ASB4: variants seen among roughly 807,000 people sequenced by gnomAD.
ASB4 encodes ankyrin repeat and SOCS box containing 4, also known as ankyrin repeat and SOCS box protein 4.
A neutral mutation model predicts 38.6 loss-of-function variants in ASB4; 35 were observed. That is an observed-to-expected ratio of 0.91 (90% CI 0.69 to 1.20). ASB4 has a LOEUF of 1.20. ASB4 is among the 50% of genes most tolerant of loss of function. The pLI, the probability that ASB4 is intolerant of heterozygous loss-of-function variation, is 0.00. For synonymous variants in ASB4, 195 were observed against 201.3 expected (o/e 0.97, Z 0.26); for missense variants, 557 against 527.2 (o/e 1.06, Z -0.55).
the ASB4 span, among the ~76,000 whole-genome samples, chr7:95,549,638 C>CA: frequency 1.3e-4 from 20 of 152,130 alleles, no homozygotes; most frequent in African/African-American, 4.8e-4. Flanking sequence ...TTCACAAGAA[C>CA]AGGTCTGTAA....
intron 2 of ASB4, among the ~76,000 whole-genome samples, chr7:95,525,216 A>G (rs1350024830): frequency 6.6e-6 from 1 of 152,170 alleles, no homozygotes; most frequent in Non-Finnish European, 1.5e-5. Flanking sequence ...CCAACCCTAG[A>G]CACTTTAATT....
intron 3 of ASB4, among the ~76,000 whole-genome samples, chr7:95,535,311 A>G (rs1449999804): frequency 6.6e-6 from 1 of 152,180 alleles, no homozygotes; most frequent in African/African-American, 2.4e-5. Flanking sequence ...GGAAATTAGG[A>G]AGAAATGTCT....
At chr7:95,513,253 G>GTT (rs536945120) in intron 2 of ASB4, among the ~76,000 whole-genome samples, 1,576 of 77,022 alleles carry the variant, frequency 0.02, 164 homozygotes, top group African/African-American at 0.082. Flanking sequence ...TTTTTTGTTT[G>GTT]TTTTTTTTTT....
At chr7:95,514,467 TG>T (rs1431876410) in intron 2 of ASB4, among the ~76,000 whole-genome samples, 1 of 152,222 alleles carries the variant, frequency 6.6e-6, no homozygotes, top group Admixed American at 6.5e-5. Context: ...TAAAAATGAA[TG>T]AATTTGGATG....
At chr7:95,549,374 G>A in the ASB4 span, among the ~76,000 whole-genome samples, 4 of 145,276 alleles carry the variant, frequency 2.8e-5, no homozygotes, top group African/African-American at 5.2e-5. Flanking sequence ...TCCACTCACT[G>A]CAAGCTCCGC....
intron 2 of ASB4, among the ~76,000 whole-genome samples, chr7:95,496,894 G>T (rs1790257694): frequency 6.6e-6 from 1 of 151,982 alleles, no homozygotes; most frequent in African/African-American, 2.4e-5. Flanking sequence ...AAATGGGAAG[G>T]AGACAGCCAT....
chr7:95,515,173 CTTTCTTTCTT>C (rs1259543259), intron 2 of ASB4, among the ~76,000 whole-genome samples: 10 of 65,350 alleles, frequency 1.5e-4, no homozygotes, highest in African/African-American at 5.7e-4. Context: ...CTTTCTCTTT[CTTTCTTTCTT>C]TCTTTCTTTC....
chr7:95,500,339 G>A (rs1017691413), intron 2 of ASB4, among the ~76,000 whole-genome samples: 15 of 152,032 alleles, frequency 9.9e-5, no homozygotes, highest in Admixed American at 9.2e-4. Context: ...GGCTGAGGCA[G>A]GAGGACCTTT....
At chr7:95,515,147 TTC>T (rs1443212610) in intron 2 of ASB4, among the ~76,000 whole-genome samples, 110 of 79,664 alleles carry the variant, frequency 1.4e-3, no homozygotes, top group African/African-American at 5.8e-3. Flanking sequence ...GCAATTGTTT[TTC>T]TTTCTTTCTT....
intron 2 of ASB4, among the ~76,000 whole-genome samples, chr7:95,520,196 T>C (rs1466803133): frequency 6.6e-6 from 1 of 152,256 alleles, no homozygotes; most frequent in Admixed American, 6.5e-5. Context: ...CAGGGGCACA[T>C]GTGCCTCTGA....
chr7:95,547,764 C>T, the ASB4 span, among the ~76,000 whole-genome samples: 2 of 152,266 alleles, frequency 1.3e-5, no homozygotes, highest in East Asian at 3.9e-4. Flanking sequence ...CTCATCCCAT[C>T]GGTTGAATGC....
At chr7:95,499,407 G>A (rs1180444130) in intron 2 of ASB4, among the ~76,000 whole-genome samples, 2 of 152,322 alleles carry the variant, frequency 1.3e-5, no homozygotes, top group East Asian at 3.9e-4. Flanking sequence ...AAAACCAAGA[G>A]TATTTTGGCA....
intron 2 of ASB4, among the ~76,000 whole-genome samples, chr7:95,525,759 G>A (rs568686607): frequency 1.9e-4 from 29 of 152,276 alleles, no homozygotes; most frequent in African/African-American, 6.7e-4. Context: ...CCTGAAATAA[G>A]ACCTGACCCA....
intron 2 of ASB4, among the ~76,000 whole-genome samples, chr7:95,517,758 G>A (rs1040277959): frequency 8.5e-5 from 13 of 152,118 alleles, no homozygotes; most frequent in Non-Finnish European, 1.5e-4. Flanking sequence ...CAGAGGCAAG[G>A]TTTGATGGAC....
intron 3 of ASB4, among the ~76,000 whole-genome samples, chr7:95,534,615 C>T (rs374593546): frequency 8.5e-5 from 13 of 152,248 alleles, no homozygotes; most frequent in African/African-American, 2.2e-4. Context: ...TCTCTGCCCT[C>T]GATGCACTTG....
intron 2 of ASB4, among the ~76,000 whole-genome samples, chr7:95,522,097 TA>T (rs1405834009): frequency 6.6e-6 from 1 of 152,166 alleles, no homozygotes; most frequent in East Asian, 1.9e-4. Flanking sequence ...GCTGATGTAA[TA>T]ATAGATATTT....
chr7:95,474,712 G>A (rs1419796826), upstream of ASB4, among the ~76,000 whole-genome samples: 1 of 152,066 alleles, frequency 6.6e-6, no homozygotes, highest in Non-Finnish European at 1.5e-5. Context: ...TTTTTTTAGA[G>A]ATGGGTGTCA....
At chr7:95,527,679 G>GCAA in intron 2 of ASB4, 134 bp from the exon 3 acceptor site, 1 of 878,950 alleles carries the variant, frequency 1.1e-6, no homozygotes, top group Non-Finnish European at 1.7e-6. Flanking sequence ...GGGGGCAAAG[G>GCAA]GGTTGAGGGT....
In ASB4 at chr7:95,527,849, A is replaced by C; in HGVS notation, c.524A>C (p.Glu175Ala). 6.2e-7 allele frequency: 1 copy of C among 1,607,642 alleles called. No individual in the cohort carries two copies. The highest frequency in any genetic ancestry group is 8.5e-7 in the Non-Finnish European group (1 of 1,174,944). ...AACATGAAGACCAACAACCAAGATG[A>C]GGAGACGCCCTTGCACACGGCTGCC... is the stretch of plus-strand genomic sequence containing the variant. Reference protein sequence around the residue: ...NVNMKTNNQDEETPLHTAAHF... With the variant: ...NVNMKTNNQDAETPLHTAAHF... The change falls in exon 3 of 5, where the codon GAG (glutamate) becomes GCG (alanine). Residue 175 changes from glutamate (E) to alanine (A), a missense_variant. Transcript: ENST00000325885.
Sources: gnomAD v4.1 joint callset for allele counts (sites outside exome capture counted in the v4.1 genomes callset) on GRCh38, gnomAD v4.1.1 for gene constraint, MANE v1.5 for transcripts, NCBI Gene and HGNC (gene_info 2026-07-23, HGNC 2026-07-21) for gene names.